RNF228: variants seen among roughly 807,000 people sequenced by gnomAD.
RNF228 encodes the protein ring finger protein 228.
the RNF228 span, among the ~76,000 whole-genome samples, chr2:222,319,579 G>C: frequency 6.8e-6 from 1 of 146,334 alleles, no homozygotes; most frequent in South Asian, 2.1e-4. This position sits in a 1 kb window ranked among gnomAD's most constrained non-coding sequence, Gnocchi z 7.6. Context: ...GGCGGGAGGC[G>C]GTCCTGGGGC....
the RNF228 span, chr2:222,318,287 G>A: frequency 6.6e-6 from 1 of 152,272 alleles, no homozygotes; most frequent in South Asian, 2.1e-4. Flanking sequence ...ATGGGCAACA[G>A]GGCCCACCGC....
At chr2:222,318,794 C>T in the RNF228 span, 1 of 152,196 alleles carries the variant, frequency 6.6e-6, no homozygotes, top group Non-Finnish European at 1.5e-5. Flanking sequence ...ACCAACATCC[C>T]TTCCTGTTCA....
At chr2:222,320,131 C>T in the RNF228 span, among the ~76,000 whole-genome samples, 1 of 152,140 alleles carries the variant, frequency 6.6e-6, no homozygotes, top group East Asian at 1.9e-4. Flanking sequence ...GCCGCCTGGG[C>T]TCCGGGCGGG....
chr2:222,315,641 A>T, the RNF228 span, among the ~76,000 whole-genome samples: 5 of 152,142 alleles, frequency 3.3e-5, no homozygotes, highest in Non-Finnish European at 7.4e-5. Flanking sequence ...AATTTTATAG[A>T]TGGGGAGCCT....
the RNF228 span, among the ~76,000 whole-genome samples, chr2:222,316,941 C>T: frequency 7.3e-4 from 111 of 152,216 alleles, no homozygotes; most frequent in Non-Finnish European, 1.2e-3. Context: ...TCATAGAAGG[C>T]AAGAACAAAG....
At chr2:222,315,350 A>G in the RNF228 span, among the ~76,000 whole-genome samples, 4 of 152,218 alleles carry the variant, frequency 2.6e-5, no homozygotes, top group African/African-American at 9.7e-5. Flanking sequence ...GAGAGTGATG[A>G]AAAATGCAAC....
the RNF228 span, among the ~76,000 whole-genome samples, chr2:222,315,260 C>T: frequency 4.6e-5 from 7 of 152,248 alleles, no homozygotes; most frequent in South Asian, 1.5e-3. Context: ...TCACTATGTG[C>T]CCAGAACTGG....
chr2:222,318,771 A>ACCCCC, the RNF228 span: 4 of 102,348 alleles, frequency 3.9e-5, no homozygotes, highest in Non-Finnish European at 8.0e-5. Flanking sequence ...GGCAAAAGAG[A>ACCCCC]CCCCCCCCCC....
chr2:222,316,531 A>G, the RNF228 span, among the ~76,000 whole-genome samples: 3 of 152,232 alleles, frequency 2.0e-5, no homozygotes, highest in Admixed American at 1.3e-4. Context: ...CATTATTGGC[A>G]TACTTCTCTG....
At chr2:222,315,522 T>G in the RNF228 span, among the ~76,000 whole-genome samples, 1 of 152,106 alleles carries the variant, frequency 6.6e-6, no homozygotes, top group African/African-American at 2.4e-5. Flanking sequence ...AAAAGCAAGG[T>G]CCATATAGGG....
the RNF228 span, among the ~76,000 whole-genome samples, chr2:222,319,580 G>C: frequency 1.4e-5 from 2 of 146,250 alleles, no homozygotes; most frequent in Non-Finnish European, 3.0e-5. The surrounding 1 kb of genome is among the most constrained non-coding windows in gnomAD (Gnocchi z 7.6). Flanking sequence ...GCGGGAGGCG[G>C]TCCTGGGGCA....
At chr2:222,319,179 A>G in the RNF228 span, 1 of 305,370 alleles carries the variant, frequency 3.3e-6, no homozygotes, top group Non-Finnish European at 6.1e-6. This position sits in a 1 kb window ranked among gnomAD's most constrained non-coding sequence, Gnocchi z 7.6. Context: ...GAAGAGTGCC[A>G]GGATGCTGGC....
At chr2:222,319,285 C>T in the RNF228 span, 1 of 342,708 alleles carries the variant, frequency 2.9e-6, no homozygotes, top group Non-Finnish European at 5.3e-6. The surrounding 1 kb of genome is among the most constrained non-coding windows in gnomAD (Gnocchi z 7.6). Flanking sequence ...GTTCCCCCGC[C>T]GCCGTAGTGG....
At chr2:222,316,431 G>A in the RNF228 span, among the ~76,000 whole-genome samples, 1 of 152,196 alleles carries the variant, frequency 6.6e-6, no homozygotes, top group African/African-American at 2.4e-5. Flanking sequence ...ATTTACACGT[G>A]CAATCTATAA....
At chr2:222,320,010 G>C in the RNF228 span, among the ~76,000 whole-genome samples, 22 of 152,150 alleles carry the variant, frequency 1.4e-4, no homozygotes, top group Non-Finnish European at 2.6e-4. Context: ...CCGGCTCCCG[G>C]GGCTGCTGCT....
chr2:222,314,397 G>T, the RNF228 span, among the ~76,000 whole-genome samples: 1 of 152,168 alleles, frequency 6.6e-6, no homozygotes, highest in Non-Finnish European at 1.5e-5. Context: ...TTCAAACTAA[G>T]ATCTGGCTGC....
the RNF228 span, among the ~76,000 whole-genome samples, chr2:222,316,827 G>C: frequency 6.6e-6 from 1 of 152,212 alleles, no homozygotes; most frequent in Non-Finnish European, 1.5e-5. Context: ...GAATGAATAA[G>C]AGGTAAAAAT....
the RNF228 span, chr2:222,317,402 A>T: frequency 6.6e-6 from 1 of 152,236 alleles, no homozygotes; most frequent in African/African-American, 2.4e-5. Context: ...CAATTAATAG[A>T]ATAGTGTCAG....
the RNF228 span, chr2:222,319,276 T>A: frequency 6.0e-6 from 2 of 335,364 alleles, no homozygotes; most frequent in Non-Finnish European, 1.1e-5. This position sits in a 1 kb window ranked among gnomAD's most constrained non-coding sequence, Gnocchi z 7.6. Flanking sequence ...CCTCCGGGGG[T>A]TCCCCCGCCG....
Sources: allele counts gnomAD v4.1 joint callset (sites outside exome capture counted in the v4.1 genomes callset), GRCh38; gene constraint gnomAD v4.1.1; non-coding constraint Gnocchi (gnomAD v3.1); transcripts MANE v1.5; gene names NCBI Gene and HGNC (gene_info 2026-07-23, HGNC 2026-07-21).